Variants in MAP4K3 observed in about 807,000 individuals in gnomAD.
The protein encoded by MAP4K3 is MAPK/ERK kinase kinase kinase 3.
A neutral mutation model predicts 143.5 loss-of-function variants in MAP4K3; 94 were observed. That is an observed-to-expected ratio of 0.65 (90% CI 0.55 to 0.78). MAP4K3 has a LOEUF of 0.78. MAP4K3 is among the 30% of genes least tolerant of loss of function. MAP4K3 has a pLI of 0.00. For missense variants in MAP4K3, 1,077 were observed against 1,068.1 expected (o/e 1.01, Z -0.12); for synonymous variants, 416 against 347.2 (o/e 1.20, Z -2.20).
At chr2:39,417,518 G>A (rs985576259) in intron 1 of MAP4K3, among the ~76,000 whole-genome samples, 6 of 151,788 alleles carry the variant, frequency 4.0e-5, no homozygotes, top group East Asian at 1.9e-4. Flanking sequence ...GCACCCGCCC[G>A]AAAGCCAGGT....
At chr2:39,254,314 T>C in intron 32 of MAP4K3, 136 bp downstream of exon 32, 1 of 661,208 alleles carries the variant, frequency 1.5e-6, no homozygotes, top group East Asian at 2.7e-5. Context: ...GGCTACTGAC[T>C]TTATCAATAG....
In MAP4K3 at chr2:39,315,325, G is replaced by C. The variant is rs748398050; in HGVS notation, c.982C>G (p.Arg328Gly). The part of the protein sequence containing the change: ...TSRNVREEKT[R>G]SEITFGQVKF... ...ATATACTTACAGGTTATCTCTGAGC[G>C]TGTTTTTTCTTCTCTCACGTTTCTA... is the stretch of plus-strand genomic sequence containing the variant. Residue 328 changes from arginine to glycine, a missense_variant, in exon 13 of 34, where the codon CGC becomes GGC. Around this residue, in one of 2 missense-constraint regions of MAP4K3, gnomAD observed 864 missense variants for 801.2 expected, o/e 1.08. Transcript: ENST00000263881. 6.2e-7 allele frequency: 1 copy of C among 1,607,118 alleles called. No homozygotes were observed. The highest frequency in any genetic ancestry group is 8.5e-7 in the Non-Finnish European group (1 of 1,174,332).
At chr2:39,409,496 A>G (rs1160180994) in intron 1 of MAP4K3, among the ~76,000 whole-genome samples, 1 of 152,050 alleles carries the variant, frequency 6.6e-6, no homozygotes. Flanking sequence ...CTAGAGGCTG[A>G]GGCAGGAGAA....
intron 4 of MAP4K3, among the ~76,000 whole-genome samples, chr2:39,339,054 G>C (rs1490149874): frequency 6.6e-6 from 1 of 152,192 alleles, no homozygotes; most frequent in Non-Finnish European, 1.5e-5. Flanking sequence ...AAGTGGGAGA[G>C]ACTATTCTAG....
chr2:39,392,180 A>C (rs1666681810), intron 1 of MAP4K3, among the ~76,000 whole-genome samples: 1 of 94,140 alleles, frequency 1.1e-5, no homozygotes, highest in African/African-American at 3.7e-5. Flanking sequence ...CGACACTCCT[A>C]CTCAAAAAAA....
chr2:39,372,361 C>T (rs142554400), intron 2 of MAP4K3, among the ~76,000 whole-genome samples: 1 of 151,854 alleles, frequency 6.6e-6, no homozygotes, highest in African/African-American at 2.4e-5. Context: ...GTCCATACTA[C>T]CCAAAAGAAT....
At chr2:39,273,609 C>G (rs1195942774) in intron 24 of MAP4K3, among the ~76,000 whole-genome samples, 4 of 151,952 alleles carry the variant, frequency 2.6e-5, no homozygotes, top group Admixed American at 2.0e-4. Context: ...AATAATGGGA[C>G]TGAATAACTA....
intron 2 of MAP4K3, among the ~76,000 whole-genome samples, chr2:39,358,532 G>A (rs1376812379): frequency 6.6e-6 from 1 of 152,100 alleles, no homozygotes; most frequent in Non-Finnish European, 1.5e-5. Flanking sequence ...TTCAACTGCA[G>A]CCTTCCCATG....
chr2:39,303,081 G>GTTT (rs1682569288), intron 15 of MAP4K3: 1 of 166,932 alleles, frequency 6.0e-6, no homozygotes, highest in Non-Finnish European at 1.5e-5. Flanking sequence ...TACCTGATGA[G>GTTT]AAAGCAGCAG....
intron 21 of MAP4K3, chr2:39,283,673 AAGG>A (rs1461331118): frequency 6.6e-6 from 1 of 152,210 alleles, no homozygotes; most frequent in Non-Finnish European, 1.5e-5. Flanking sequence ...AGGCAATTAT[AAGG>A]AGAAGAAATG....
intron 1 of MAP4K3, among the ~76,000 whole-genome samples, chr2:39,416,684 C>A (rs1667391963): frequency 6.6e-6 from 1 of 152,188 alleles, no homozygotes; most frequent in Non-Finnish European, 1.5e-5. Context: ...AACCACTGTC[C>A]CCTCTCATAT....
At chr2:39,283,788 G>A (rs549819029) in intron 21 of MAP4K3, 1 of 152,226 alleles carries the variant, frequency 6.6e-6, no homozygotes, top group East Asian at 1.9e-4. Context: ...GGAACCCCCT[G>A]GGTATACTTT....
At chr2:39,432,145 T>A (rs1348071489) in intron 1 of MAP4K3, among the ~76,000 whole-genome samples, 1 of 152,202 alleles carries the variant, frequency 6.6e-6, no homozygotes, top group East Asian at 1.9e-4. Flanking sequence ...ATAACACATT[T>A]CCTCTCATAT....
chr2:39,363,613 G>A (rs917883343), intron 2 of MAP4K3, among the ~76,000 whole-genome samples: 2 of 145,600 alleles, frequency 1.4e-5, no homozygotes, highest in African/African-American at 5.2e-5. Context: ...AGGTTGCAGT[G>A]AGCCAAGACT....
At chr2:39,307,398 T>C (rs2148496601) in intron 15 of MAP4K3, among the ~76,000 whole-genome samples, 1 of 152,180 alleles carries the variant, frequency 6.6e-6, no homozygotes, top group East Asian at 1.9e-4. Context: ...CCAGACATGA[T>C]AGTAATGCTG....
At chr2:39,266,163 C>A (rs1277918428) in intron 27 of MAP4K3, among the ~76,000 whole-genome samples, 1 of 152,188 alleles carries the variant, frequency 6.6e-6, no homozygotes, top group Non-Finnish European at 1.5e-5. Flanking sequence ...GCAGTTCTAA[C>A]AGAGACTCAA....
intron 12 of MAP4K3, among the ~76,000 whole-genome samples, chr2:39,322,592 A>ATGTGTG (rs71752304): frequency 0.069 from 10,011 of 144,358 alleles, 380 homozygotes; most frequent in Non-Finnish European, 0.08. Context: ...GATGTGGTAT[A>ATGTGTG]TGTGTGTGTG....
At chr2:39,384,714 T>A (rs1400046054) in intron 1 of MAP4K3, among the ~76,000 whole-genome samples, 1 of 152,268 alleles carries the variant, frequency 6.6e-6, no homozygotes, top group Non-Finnish European at 1.5e-5. Flanking sequence ...TGAATTTTGT[T>A]TAATTGTACG....
chr2:39,378,211 A>C, intron 1 of MAP4K3, 88 bp from the exon 2 acceptor site: 1 of 663,740 alleles, frequency 1.5e-6, no homozygotes. Context: ...GTTTTCAGTT[A>C]TATAAAAATA....
Sources: gnomAD v4.1 joint callset for allele counts (sites outside exome capture counted in the v4.1 genomes callset) on GRCh38, gnomAD v4.1.1 for gene constraint, gnomAD v4.1.1 regional missense constraint, MANE v1.5 for transcripts, NCBI Gene and HGNC (gene_info 2026-07-23, HGNC 2026-07-21) for gene names.